DLL1: variants seen among roughly 807,000 people sequenced by gnomAD.
The protein encoded by DLL1 is delta like canonical Notch ligand 1, also known as delta-like protein 1.
Under a neutral mutation model 75.1 loss-of-function variants are expected in DLL1, and 9 were observed. The observed-to-expected ratio is 0.12, with a 90% CI of 0.07 to 0.21. The LOEUF is 0.21. DLL1 is among the 10% of genes least tolerant of loss of function. The pLI is 1.00. For synonymous variants in DLL1, 477 were observed against 418.3 expected (o/e 1.14, Z -1.71); for missense variants, 837 against 1,007.6 (o/e 0.83, Z 2.29).
intron 3 of DLL1, 108 bp downstream of exon 3, chr6:170,288,621 G>A (rs1783761559): frequency 1.2e-6 from 2 of 1,608,314 alleles, no homozygotes; most frequent in Non-Finnish European, 1.7e-6. Flanking sequence ...GAACTTTCTG[G>A]GGCACGTGCA....
chr6:170,282,831 CTTATT>C lies in DLL1; in HGVS notation c.*38_*42del. 1 of 1,613,842 alleles carries C rather than the reference CTTATT, an allele frequency of 6.2e-7. No homozygotes were observed. The highest frequency in any genetic ancestry group is 8.5e-7 in the Non-Finnish European group (1 of 1,180,014). On this transcript the variant is annotated 3_prime_UTR_variant, in exon 11 of 11. Transcript: ENST00000366756. Reference sequence around the variant, plus strand: ...TGGGGCATATATCCTTGGAATTTTACTTATTTTAAGAGAAACGGGAGTCTTGCCAT... The same window carrying C: ...TGGGGCATATATCCTTGGAATTTTACTTAAGAGAAACGGGAGTCTTGCCAT...
chr6:170,290,860 G>T lies in DLL1; in HGVS notation c.-721C>A. On this transcript the variant is annotated 5_prime_UTR_variant, in exon 1 of 11. Coordinates refer to ENST00000366756, the MANE Select transcript of DLL1 (RefSeq NM_005618.4). This position sits in a 1 kb window ranked among gnomAD's most constrained non-coding sequence, Gnocchi z 4.7. ...GCCGTGGGAGGAGGCTCTGCGCCGC[G>T]GCTGCCCGGGTTCCCCTGCGCTCTG... 1.5e-6 allele frequency: 1 copy of T among 658,930 alleles called. No individual in the cohort carries two copies. The highest frequency in any genetic ancestry group is 1.7e-5 in the South Asian group (1 of 59,598). The allele number at this position is 658,930 out of a possible 1,614,324, so 40.8% of individuals were successfully genotyped here.
intron 2 of DLL1, chr6:170,289,258 A>T: frequency 1.5e-6 from 1 of 687,408 alleles, no homozygotes; most frequent in South Asian, 1.5e-5. Flanking sequence ...CGGATACGGA[A>T]ATCTCCCGGG....
At position 170,283,375 on chromosome 6, in the gene DLL1, C is replaced by T. The variant is rs748926071; in HGVS notation, c.1904G>A (p.Arg635His). ...HSADKNGFKARYPAVDYNLVQ... is the reference protein window; with the variant it reads ...HSADKNGFKAHYPAVDYNLVQ... ...GAGGTTATAGTCCACCGCTGGGTAG[C>T]GGGCCTTGAAGCCATTCTTGTCGGC... The change falls in exon 9 of 11, where the codon CGC becomes CAC. Residue 635 changes from arginine (R) to histidine (H), a missense_variant. Transcript: ENST00000366756. 5.5e-5 allele frequency: 89 copies of T among 1,611,694 alleles called. No individual in the cohort carries two copies. The highest frequency in any genetic ancestry group is 4.9e-4 in the Middle Eastern group (3 of 6,084).
At chr6:170,289,915 A>G in intron 1 of DLL1, 107 bp from the exon 2 acceptor site, 1 of 1,342,970 alleles carries the variant, frequency 7.4e-7, no homozygotes, top group Non-Finnish European at 9.7e-7. Flanking sequence ...TCAGGGGCCG[A>G]GCGCGCTCGC....
intron 5 of DLL1, 135 bp downstream of exon 5, chr6:170,286,103 A>G (rs970958618): frequency 1.8e-6 from 2 of 1,089,670 alleles, no homozygotes; most frequent in Admixed American, 3.9e-5. Flanking sequence ...GAAACATGAG[A>G]AAACGGCCCC....
chr6:170,283,297 C>A lies in DLL1; in HGVS notation c.1982G>T (p.Arg661Leu), dbSNP rs752529694. Residue 661 changes from arginine to leucine, a missense_variant, in exon 9 of 11, where the codon CGT (arginine) becomes CTT (leucine). By Grantham distance (102) the Arg-to-Leu change is moderately radical. Transcript: ENST00000366756. ...DTAVRDAHSK[R>L]DTKCQPQGSS... The stretch of plus-strand genomic sequence containing the variant: ...GCCCTGGGGCTGGCACTTGGTGTCA[C>A]GCTTGCTGTGCGCGTCCCTGACGGC... 6.2e-7 allele frequency: 1 copy of A among 1,613,234 alleles called. No individual in the cohort carries two copies. Among genetic ancestry groups the A allele is most frequent in the South Asian group, 1.1e-5 (1 of 91,084 alleles).
chr6:170,289,574 C>T lies in DLL1; in HGVS notation c.289G>A (p.Gly97Ser), dbSNP rs756047968. The part of the protein sequence containing the change: ...LGVDSFSLPD[G>S]GGADSAFSNP... ...CTGAACGCGGAGTCGGCGCCCCCGC[C>T]GTCGGGCAGACTGAAGGAGTCGACG... Residue 97 changes from glycine (G) to serine (S), a missense_variant, in exon 2 of 11, where the codon GGC becomes AGC. Physicochemically the swap from Gly to Ser is moderately conservative, Grantham distance 56 (BLOSUM62 0). Around this residue, in one of 2 missense-constraint regions of DLL1, gnomAD observed 304 missense variants for 461.9 expected, o/e 0.66. Coordinates refer to ENST00000366756, the MANE Select transcript of DLL1 (RefSeq NM_005618.4). 2.9e-5 allele frequency: 44 copies of T among 1,535,146 alleles called. No individual in the cohort carries two copies. The South Asian group carries it at 3.9e-4, about 14-fold the overall frequency.
intron 9 of DLL1, 57 bp downstream of exon 9, chr6:170,283,174 G>T: frequency 6.2e-7 from 1 of 1,613,460 alleles, no homozygotes; most frequent in Non-Finnish European, 8.5e-7. Context: ...CGGAGCAGTG[G>T]TTCCAGGAAG....
rs978921012 is a variant in DLL1, at chr6:170,288,582, C to T, written c.413-86G>A. On this transcript the variant is annotated intron_variant, in intron 3 of 10. Transcript: ENST00000366756. ...CGGGGGTGGGCCGAGACATTCAGCA[C>T]GGGAAGGAGGCCCAAGCTGCTCCAC... 7.4e-6 allele frequency: 12 copies of T among 1,612,316 alleles called. No homozygotes were observed. The African/African-American group carries it at 9.4e-5, about 13-fold the overall frequency.
At position 170,283,856 on chromosome 6, in the gene DLL1, C is replaced by T. The variant is rs1395485957; in HGVS notation, c.1423G>A (p.Gly475Ser). 6.2e-7 allele frequency: 1 copy of T among 1,605,450 alleles called. No individual in the cohort carries two copies. Among genetic ancestry groups the T allele is most frequent in the African/African-American group, 1.3e-5 (1 of 74,888 alleles). The change falls in exon 9 of 11, where the codon GGC becomes AGC. Residue 475 changes from glycine to serine, a missense_variant. Around this residue, in one of 2 missense-constraint regions of DLL1, gnomAD observed 533 missense variants for 545.7 expected, o/e 0.98. Coordinates refer to ENST00000366756, the MANE Select transcript of DLL1 (RefSeq NM_005618.4). ...FSCTCPPGYT[G>S]RNCSAPVSRC... Reference sequence around the variant, plus strand: ...CTGACGGGGGCACTGCAGTTCCTGCCCGTGTAGCCAGGCGGGCAGGTGCAG... The same window carrying T: ...CTGACGGGGGCACTGCAGTTCCTGCTCGTGTAGCCAGGCGGGCAGGTGCAG...
rs1437530960 is a variant in DLL1, at chr6:170,290,887, C to T, written c.-748G>A. The T allele has an allele frequency of 7.3e-6, 5 of 688,764 alleles. No individual in the cohort carries two copies. The highest frequency in any genetic ancestry group is 1.3e-5 in the Non-Finnish European group (5 of 378,120). The allele number at this position is 688,764 out of a possible 1,614,324, so 42.7% of individuals were successfully genotyped here. A position where few individuals can be genotyped will look rare whatever the true frequency, so the allele number is the denominator to read the frequency against. On this transcript the variant is annotated 5_prime_UTR_variant, in exon 1 of 11. Coordinates refer to ENST00000366756, the MANE Select transcript of DLL1 (RefSeq NM_005618.4). The surrounding 1 kb of genome is among the most constrained non-coding windows in gnomAD (Gnocchi z 4.7). The stretch of plus-strand genomic sequence containing the variant: ...CTGCCCGGGTTCCCCTGCGCTCTGC[C>T]CTCGGCCGGGTCGGGTCTCCGCGGG...
Position 170,289,727 on chromosome 6 carries a change from G to A in DLL1, c.136C>T (p.Arg46Cys), listed in dbSNP as rs1166425867. Residue 46 changes from arginine (R) to cysteine (C), a missense_variant, in exon 2 of 11, where the codon CGC (arginine) becomes TGC (cysteine). Arg to Cys is a radical substitution (Grantham distance 180). Coordinates refer to ENST00000366756, the MANE Select transcript of DLL1 (RefSeq NM_005618.4). ...KGLLGNRNCCRGGAGPPPCAC... is the reference protein window; with the variant it reads ...KGLLGNRNCCCGGAGPPPCAC... ...CACGGCGGTGGCCCCGCGCCCCCGC[G>A]GCAGCAGTTGCGGTTCCCCAGCAGC... is the stretch of plus-strand genomic sequence containing the variant. The A allele has an allele frequency of 1.3e-6, 2 of 1,550,108 alleles. No homozygotes were observed.
rs769940908 is a variant in DLL1, at chr6:170,289,761, G to A, written c.102C>T (p.Asn34=). ...VFELKLQEFV[N]KKGLLGNRNC... ...TGCGGTTCCCCAGCAGCCCCTTCTT[G>A]TTGACGAACTCCTGCAGCTTCAGTT... Residue 34 remains asparagine (N), a synonymous_variant, in exon 2 of 11, where the codon AAC becomes AAT. Coordinates refer to ENST00000366756, the MANE Select transcript of DLL1 (RefSeq NM_005618.4). 6.4e-7 allele frequency: 1 copy of A among 1,555,098 alleles called. No individual in the cohort carries two copies. The highest frequency in any genetic ancestry group is 8.7e-7 in the Non-Finnish European group (1 of 1,149,178).
chr6:170,285,663 C>T lies in DLL1; in HGVS notation c.768G>A (p.Glu256=), dbSNP rs753787164. ...GGAGACAGCCTGGATAGCGGATACACTCGTCACAGTACCGGCCCTGCCAGC... is the reference window on the plus strand; with the variant it reads ...GGAGACAGCCTGGATAGCGGATACATTCGTCACAGTACCGGCCCTGCCAGC... The part of the protein sequence containing the change: ...RVGWQGRYCD[E]CIRYPGCLHG... The change falls in exon 6 of 11, where the codon GAG becomes GAA. Residue 256 remains glutamate (E), a synonymous_variant. Coordinates refer to ENST00000366756, the MANE Select transcript of DLL1 (RefSeq NM_005618.4). 18 of 1,614,110 alleles carry T rather than the reference C, an allele frequency of 1.1e-5. No homozygotes were observed. The highest frequency in any genetic ancestry group is 1.5e-5 in the Non-Finnish European group (18 of 1,180,038).
intron 7 of DLL1, 46 bp from the exon 8 acceptor site, chr6:170,285,181 G>T (rs770754813): frequency 6.2e-7 from 1 of 1,613,702 alleles, no homozygotes; most frequent in South Asian, 1.1e-5. Flanking sequence ...GTTGCTCCAA[G>T]GAGCCCACAC....
Position 170,282,339 on chromosome 6 carries a change from T to C in DLL1, c.*535A>G, listed in dbSNP as rs1212755093. 6.3e-6 allele frequency: 1 copy of C among 158,966 alleles called. No individual in the cohort carries two copies. The highest frequency in any genetic ancestry group is 1.4e-5 in the Non-Finnish European group (1 of 71,772). The allele number at this position is 158,966 out of a possible 1,614,324, so 9.8% of individuals were successfully genotyped here. Reference sequence around the variant, plus strand: ...TTATATACAAAAAAATATAGTCACATAGACCCGAAGTGCCTTTGTACATAT... The same window carrying C: ...TTATATACAAAAAAATATAGTCACACAGACCCGAAGTGCCTTTGTACATAT... On this transcript the variant is annotated 3_prime_UTR_variant, in exon 11 of 11. Coordinates refer to ENST00000366756, the MANE Select transcript of DLL1 (RefSeq NM_005618.4).
At position 170,290,831 on chromosome 6, in the gene DLL1, C is replaced by T; in HGVS notation, c.-692G>A. 1 of 625,898 alleles carries T rather than the reference C, an allele frequency of 1.6e-6. No individual in the cohort carries two copies. Among genetic ancestry groups the T allele is most frequent in the Non-Finnish European group, 2.9e-6 (1 of 349,874 alleles). The allele number at this position is 625,898 out of a possible 1,614,324, so 38.8% of individuals were successfully genotyped here. On this transcript the variant is annotated 5_prime_UTR_variant, in exon 1 of 11. Coordinates refer to ENST00000366756, the MANE Select transcript of DLL1 (RefSeq NM_005618.4). The surrounding 1 kb of genome is among the most constrained non-coding windows in gnomAD (Gnocchi z 4.7). Reference sequence around the variant, plus strand: ...GTACACACGCGCAGGACCGGAGGGGCCGGGCCGTGGGAGGAGGCTCTGCGC... The same window carrying T: ...GTACACACGCGCAGGACCGGAGGGGTCGGGCCGTGGGAGGAGGCTCTGCGC...
At chr6:170,288,816 A>G in intron 2 of DLL1, 27 bp from the exon 3 acceptor site, 1 of 1,613,712 alleles carries the variant, frequency 6.2e-7, no homozygotes, top group Non-Finnish European at 8.5e-7. Flanking sequence ...AAGACGTTAG[A>G]CAACCCAGAA....
Sources: allele counts gnomAD v4.1 joint callset, GRCh38; gene constraint gnomAD v4.1.1; regional missense constraint gnomAD v4.1.1; non-coding constraint Gnocchi (gnomAD v3.1); transcripts MANE v1.5; gene names NCBI Gene and HGNC (gene_info 2026-07-23, HGNC 2026-07-21).